Variants in DAB1 observed in about 807,000 individuals in gnomAD.
The protein encoded by DAB1 is DAB adaptor protein 1.
A neutral mutation model predicts 64.6 loss-of-function variants in DAB1; 15 were observed. The ratio of observed to expected loss-of-function variants is 0.23; its 90% CI spans 0.16 to 0.36. The LOEUF (loss-of-function observed/expected upper bound fraction) is 0.36, where lower values mean the gene tolerates loss of function less well. DAB1 is among the 10% of genes least tolerant of loss of function. The probability of loss-of-function intolerance (pLI) is 1.00; values close to 1 mark genes in which losing one functional copy is unlikely to be tolerated. For missense variants in DAB1, 596 were observed against 706.7 expected, an observed-to-expected ratio of 0.84 and a Z score of 1.78; for synonymous variants, 235 against 251.9, an observed-to-expected ratio of 0.93 and a Z score of 0.64.
chr1:58,107,600 T>C (rs1000457729), intron 5 of DAB1, among the ~76,000 whole-genome samples: 1 of 151,870 alleles, frequency 6.6e-6, no homozygotes, highest in African/African-American at 2.4e-5. Context: ...GCATGTTTTT[T>C]TTCTGTTTTT....
intron 3 of DAB1, among the ~76,000 whole-genome samples, chr1:58,371,108 A>G (rs1644260889): frequency 6.6e-6 from 1 of 152,238 alleles, no homozygotes; most frequent in African/African-American, 2.4e-5. Flanking sequence ...GATGAGGGAA[A>G]GTTTGGAACT....
intron 7 of DAB1, among the ~76,000 whole-genome samples, chr1:57,449,777 C>T (rs1265113659): frequency 1.3e-5 from 2 of 152,168 alleles, no homozygotes; most frequent in South Asian, 2.1e-4. Flanking sequence ...CTACCAAAGG[C>T]TGGAAAACTC....
intron 1 of DAB1, among the ~76,000 whole-genome samples, chr1:57,370,122 G>A (rs71642116): frequency 0.026 from 3,937 of 152,206 alleles, 71 homozygotes; most frequent in African/African-American, 0.043. Context: ...TATTTCTAAT[G>A]CTGTACTCTA....
In DAB1 at chr1:58,026,355, C is replaced by A. The variant is rs529002410; in HGVS notation, n.387+124156G>T. 1.6e-4 allele frequency among the ~76,000 whole-genome samples: 24 copies of A among 152,264 alleles called. 1 individual carries two copies. In the South Asian group the frequency reaches 5.0e-3, roughly 32 times the overall value. On this transcript the variant is annotated intron_variant and non_coding_transcript_variant, in intron 5 of 20. Coordinates refer to the DAB1 transcript ENST00000485760. Reference sequence around the variant, plus strand: ...CAATCTAGGCTCCATTTCCATCTCTCCTACTTATTAATGATAAGAGGGTCA... The same window carrying A: ...CAATCTAGGCTCCATTTCCATCTCTACTACTTATTAATGATAAGAGGGTCA...
chr1:57,501,445 G>C (rs1484571405), intron 7 of DAB1, among the ~76,000 whole-genome samples: 2 of 152,140 alleles, frequency 1.3e-5, no homozygotes, highest in African/African-American at 4.8e-5. Flanking sequence ...ACCCAATAGA[G>C]GCACTAGAAA....
chr1:58,074,593 T>TACAC (rs1649526154), intron 5 of DAB1, among the ~76,000 whole-genome samples: 1 of 117,564 alleles, frequency 8.5e-6, no homozygotes, highest in Non-Finnish European at 1.9e-5. Flanking sequence ...TATATATATA[T>TACAC]ATTTGAGAAA....
At chr1:57,847,809 C>T (rs1318808921) in intron 1 of DAB1, among the ~76,000 whole-genome samples, 2 of 151,908 alleles carry the variant, frequency 1.3e-5, no homozygotes, top group African/African-American at 4.8e-5. Context: ...AAATAGAATA[C>T]TATTATTAGT....
At chr1:57,382,616 C>T (rs561258989) in intron 1 of DAB1, among the ~76,000 whole-genome samples, 1 of 152,284 alleles carries the variant, frequency 6.6e-6, no homozygotes, top group African/African-American at 2.4e-5. Context: ...TTAAAAGCCA[C>T]TGATTCTTTG....
At chr1:58,288,734 C>T (rs1661750074) in intron 4 of DAB1, among the ~76,000 whole-genome samples, 1 of 152,090 alleles carries the variant, frequency 6.6e-6, no homozygotes, top group African/African-American at 2.4e-5. Context: ...TTTTTGCTTC[C>T]CATTTAAAAG....
chr1:57,460,281 A>G (rs571533175), intron 7 of DAB1, among the ~76,000 whole-genome samples: 1 of 152,262 alleles, frequency 6.6e-6, no homozygotes, highest in East Asian at 1.9e-4. Flanking sequence ...ATGTGCATGG[A>G]AATATAATAT....
intron 4 of DAB1, among the ~76,000 whole-genome samples, chr1:58,323,791 G>A (rs767705542): frequency 2.2e-4 from 33 of 151,930 alleles, no homozygotes; most frequent in Non-Finnish European, 2.4e-4. Flanking sequence ...CAGGCGTGGC[G>A]GTGGGCGCCT....
intron 4 of DAB1, among the ~76,000 whole-genome samples, chr1:58,300,644 G>C (rs1005928371): frequency 1.7e-5 from 1 of 59,336 alleles, no homozygotes; most frequent in African/African-American, 6.4e-5. Context: ...GAGAGAGAGA[G>C]AGAGGAAGGA....
chr1:58,059,681 C>G (rs1648369114), intron 5 of DAB1, among the ~76,000 whole-genome samples: 1 of 152,228 alleles, frequency 6.6e-6, no homozygotes, highest in South Asian at 2.1e-4. Context: ...CATAAACAAG[C>G]AAGACACTTA....
chr1:57,322,401 C>T (rs887153333), intron 1 of DAB1, among the ~76,000 whole-genome samples: 1 of 152,130 alleles, frequency 6.6e-6, no homozygotes, highest in African/African-American at 2.4e-5. Context: ...CTCTCTCTTC[C>T]TATTAAAAGA....
chr1:57,920,468 C>A (rs1188757908), intron 5 of DAB1, among the ~76,000 whole-genome samples: 3 of 152,064 alleles, frequency 2.0e-5, no homozygotes, highest in African/African-American at 4.8e-5. Context: ...TGTGCACCAC[C>A]ACACCTGACT....
chr1:58,027,506 C>T (rs1045490678), intron 5 of DAB1, among the ~76,000 whole-genome samples: 2 of 152,122 alleles, frequency 1.3e-5, no homozygotes, highest in Non-Finnish European at 2.9e-5. Flanking sequence ...AGTTGACATA[C>T]TTTCTGTCCT....
intron 5 of DAB1, among the ~76,000 whole-genome samples, chr1:58,131,993 G>C (rs910938534): frequency 2.4e-4 from 37 of 151,994 alleles, no homozygotes; most frequent in African/African-American, 8.9e-4. Context: ...CACCCAGTTC[G>C]AGCTTCCTGG....
At chr1:58,127,187 A>C (rs942607826) in intron 5 of DAB1, among the ~76,000 whole-genome samples, 8 of 151,834 alleles carry the variant, frequency 5.3e-5, no homozygotes, top group Admixed American at 3.9e-4. Context: ...TGTGATTTTG[A>C]TTTGCATTTC....
In DAB1 at chr1:57,298,433, C is replaced by T. The variant is rs562626351; in HGVS notation, c.-136-7267G>A. Among the ~76,000 whole-genome samples, 13 of 152,270 alleles carry T rather than the reference C, an allele frequency of 8.5e-5. No individual in the cohort carries two copies. The South Asian group carries it at 1.7e-3, about 19-fold the overall frequency. On this transcript the variant is annotated intron_variant, in intron 1 of 14. Transcript: ENST00000371236. ...ACCAAAACTTTCAAGAAAAATAACA[C>T]GGTGATAGGACATATTCCTAGCTTT...
Sources: gnomAD v4.1 joint callset for allele counts (sites outside exome capture counted in the v4.1 genomes callset) on GRCh38, gnomAD v4.1.1 for gene constraint, MANE v1.5 for transcripts, NCBI Gene and HGNC (gene_info 2026-07-23, HGNC 2026-07-21) for gene names.